SPECC1: variants seen among roughly 807,000 people sequenced by gnomAD.
SPECC1 encodes cytospin-B.
In SPECC1, 62 loss-of-function variants were observed where a neutral mutation model predicts 104.1. The observed-to-expected ratio is 0.60, with a 90% CI of 0.49 to 0.74. The LOEUF is 0.74. SPECC1 is among the 30% of genes least tolerant of loss of function. The pLI is 0.00. For missense variants in SPECC1, 1,306 were observed against 1,310.5 expected (o/e 1.00, Z 0.05); for synonymous variants, 513 against 501.6 (o/e 1.02, Z -0.30).
chr17:20,070,912 G>C (rs560157668), intron 1 of SPECC1, among the ~76,000 whole-genome samples: 9 of 151,876 alleles, frequency 5.9e-5, no homozygotes, highest in Admixed American at 2.0e-4. Flanking sequence ...GGCTCAGAGA[G>C]GCCTCTCCTA....
chr17:20,190,736 A>G (rs963960335), intron 3 of SPECC1, among the ~76,000 whole-genome samples: 10 of 152,212 alleles, frequency 6.6e-5, no homozygotes, highest in Non-Finnish European at 1.5e-4. Context: ...TTGTAGAGAC[A>G]GGGCCTTGCT....
At chr17:20,247,168 C>T (rs1416445065) in intron 8 of SPECC1, 51 bp from the exon 9 acceptor site, 3 of 1,403,082 alleles carry the variant, frequency 2.1e-6, no homozygotes, top group Non-Finnish European at 3.0e-6. Flanking sequence ...CAAGTATATG[C>T]TATTTTGAAG....
intron 1 of SPECC1, among the ~76,000 whole-genome samples, chr17:20,051,050 C>T (rs2045721556): frequency 1.5e-5 from 2 of 137,402 alleles, no homozygotes; most frequent in Admixed American, 7.6e-5. Flanking sequence ...GCACTTGGTT[C>T]TTTCTTTCTT....
At chr17:20,167,854 ATTAT>A (rs1041402048) in intron 3 of SPECC1, among the ~76,000 whole-genome samples, 3 of 152,240 alleles carry the variant, frequency 2.0e-5, no homozygotes, top group Non-Finnish European at 4.4e-5. Flanking sequence ...TGTACAGATG[ATTAT>A]TTCTTAATTT....
intron 3 of SPECC1, among the ~76,000 whole-genome samples, chr17:20,131,467 C>G (rs1597784006): frequency 6.6e-6 from 1 of 152,232 alleles, no homozygotes; most frequent in East Asian, 1.9e-4. Context: ...GTGTGAGCCA[C>G]TGTGCCCAGC....
At position 20,225,100 on chromosome 17, in the gene SPECC1, G is replaced by A. The variant is rs185686399; in HGVS notation, c.1864-2313G>A. 1.1e-3 allele frequency among the ~76,000 whole-genome samples: 173 copies of A among 151,962 alleles called. 1 individual carries two copies. The highest frequency in any genetic ancestry group is 3.6e-3 in the African/African-American group (151 of 41,424). Reference sequence around the variant, plus strand: ...AAATGTTATCTGGGAGCTAGGACCCGGAATGGGGGCTTCAGGAATCTGCTT... The same window carrying A: ...AAATGTTATCTGGGAGCTAGGACCCAGAATGGGGGCTTCAGGAATCTGCTT... On this transcript the variant is annotated intron_variant, in intron 4 of 14. Transcript: ENST00000395527.
At chr17:20,139,543 A>G (rs917778175) in intron 3 of SPECC1, among the ~76,000 whole-genome samples, 1 of 152,170 alleles carries the variant, frequency 6.6e-6, no homozygotes, top group African/African-American at 2.4e-5. Flanking sequence ...TGCTTTCTCT[A>G]GCATCTGGAT....
At chr17:20,020,890 A>AT (rs1200444405) in intron 1 of SPECC1, among the ~76,000 whole-genome samples, 2 of 152,144 alleles carry the variant, frequency 1.3e-5, no homozygotes, top group African/African-American at 4.8e-5. Context: ...AGGGGAACTG[A>AT]TTGCCTGCAC....
chr17:20,234,952 G>T (rs1206317042), intron 7 of SPECC1, among the ~76,000 whole-genome samples: 9 of 152,260 alleles, frequency 5.9e-5, no homozygotes, highest in African/African-American at 1.9e-4. Flanking sequence ...TGATGTTAAG[G>T]TATGTGGGGA....
In SPECC1 at chr17:20,315,294, CAAAG is replaced by C. The variant is rs201703458; in HGVS notation, c.*1232_*1235del. ...GCGGTGAGGGCACATTTATAACTAA[CAAAG>C]AAGAATGCAGTTGCCCCAGCATCCT... On this transcript the variant is annotated 3_prime_UTR_variant, in exon 15 of 15. Coordinates refer to ENST00000395527, the MANE Select transcript of SPECC1 (RefSeq NM_001243439.2). 5,488 of 232,680 alleles carry C rather than the reference CAAAG, an allele frequency of 0.024. 78 individuals are homozygous for C. The highest frequency in any genetic ancestry group is 0.033 in the Non-Finnish European group (3,907 of 117,690). 14.4% of individuals were successfully genotyped at this position (232,680 alleles called of 1,614,324 possible). A position where few individuals can be genotyped will look rare whatever the true frequency, so the allele number is the denominator to read the frequency against.
At chr17:20,083,589 A>C (rs1360257912) in intron 1 of SPECC1, among the ~76,000 whole-genome samples, 1 of 151,978 alleles carries the variant, frequency 6.6e-6, no homozygotes, top group Non-Finnish European at 1.5e-5. Flanking sequence ...CATTCTTTCT[A>C]TTGCTGAGTA....
At chr17:20,044,675 T>G (rs2045468463) in intron 1 of SPECC1, among the ~76,000 whole-genome samples, 1 of 152,178 alleles carries the variant, frequency 6.6e-6, no homozygotes, top group Non-Finnish European at 1.5e-5. Context: ...TTGTTTTTAT[T>G]TGAAGGAGCT....
At chr17:20,216,704 ACT>A (rs2037511345) in intron 4 of SPECC1, among the ~76,000 whole-genome samples, 1 of 151,946 alleles carries the variant, frequency 6.6e-6, no homozygotes, top group South Asian at 2.1e-4. Flanking sequence ...AGTTTGTTTG[ACT>A]CTATTTATAG....
At position 20,253,552 on chromosome 17, in the gene SPECC1, T is replaced by A; in HGVS notation, c.2646T>A (p.Thr882=). 1 of 1,614,070 alleles carries A rather than the reference T, an allele frequency of 6.2e-7. No homozygotes were observed. The highest frequency in any genetic ancestry group is 8.5e-7 in the Non-Finnish European group (1 of 1,180,018). ...SSVRPASRGV[T]QRLDLPDLPL... ...TGCGGCCAGCCAGCAGAGGGGTGAC[T>A]CAACGCTTGGACCTTCCTGACCTTC... The change falls in exon 10 of 15, where the codon ACT becomes ACA. Residue 882 remains threonine (T), a synonymous_variant. Transcript: ENST00000395527.
At chr17:20,079,876 G>A (rs903531163) in intron 1 of SPECC1, among the ~76,000 whole-genome samples, 3 of 152,186 alleles carry the variant, frequency 2.0e-5, no homozygotes, top group Admixed American at 2.0e-4. Context: ...GTGGGCAGGA[G>A]GCGCAAGGAA....
intron 7 of SPECC1, chr17:20,238,627 TTC>T: frequency 9.6e-7 from 1 of 1,041,750 alleles, no homozygotes; most frequent in African/African-American, 1.7e-5. Context: ...CATTGAGGTC[TTC>T]TCTGTAAAAT....
chr17:20,009,654 C>T lies in SPECC1; in HGVS notation c.-22+230C>T, dbSNP rs1250421937. 3.8e-4 allele frequency among the ~76,000 whole-genome samples: 58 copies of T among 152,134 alleles called. No homozygotes were observed. Among genetic ancestry groups the T allele is most frequent in the Non-Finnish European group, 5.9e-5 (4 of 67,986 alleles). On this transcript the variant is annotated intron_variant, in intron 1 of 14. Transcript: ENST00000395527. This position sits in a 1 kb window ranked among gnomAD's most constrained non-coding sequence, Gnocchi z 5.2. Reference sequence around the variant, plus strand: ...ACGTCCTGGCCTGTCCTGCCCGGCCCGGAGCGGTGGGACCGGTGCCGCAGG... The same window carrying T: ...ACGTCCTGGCCTGTCCTGCCCGGCCTGGAGCGGTGGGACCGGTGCCGCAGG...
intron 3 of SPECC1, among the ~76,000 whole-genome samples, chr17:20,172,885 A>G (rs868166682): frequency 7.9e-5 from 12 of 152,114 alleles, no homozygotes; most frequent in African/African-American, 2.9e-4. Context: ...GACAAGCTTC[A>G]TTTTTCCTAG....
intron 12 of SPECC1, among the ~76,000 whole-genome samples, chr17:20,295,053 G>A (rs899897698): frequency 1.6e-4 from 24 of 151,368 alleles, no homozygotes; most frequent in African/African-American, 5.3e-4. Context: ...TAAGTTCTGG[G>A]GTACATGTGC....
Sources: allele counts gnomAD v4.1 joint callset (sites outside exome capture counted in the v4.1 genomes callset), GRCh38; gene constraint gnomAD v4.1.1; non-coding constraint Gnocchi (gnomAD v3.1); transcripts MANE v1.5; gene names NCBI Gene and HGNC (gene_info 2026-07-23, HGNC 2026-07-21).